The following FGD5 variants were observed in gnomAD, a reference collection of about 807,000 sequenced individuals.
FGD5 encodes FYVE, RhoGEF and PH domain containing 5.
Under a neutral mutation model 133.4 loss-of-function variants are expected in FGD5, and 28 were observed. That is an observed-to-expected ratio of 0.21 (90% CI 0.16 to 0.29). The LOEUF (loss-of-function observed/expected upper bound fraction) is 0.29, where lower values mean the gene tolerates loss of function less well. Ranked by LOEUF, FGD5 falls within the 10% of genes least tolerant of loss-of-function variation. The probability of loss-of-function intolerance (pLI) is 1.00; values close to 1 mark genes in which losing one functional copy is unlikely to be tolerated. For synonymous variants in FGD5, 810 were observed against 776.5 expected (o/e 1.04, Z -0.72); for missense variants, 1,858 against 1,895.2 (o/e 0.98, Z 0.36).
Position 14,933,389 on chromosome 3 carries a change from C to CAG in FGD5, c.*223_*224insGA. ...TGGACCTCTCCTTTTCTGTGTTTTC[C>CAG]ACCCCTACCCCCACCCGCCACCCAG... On this transcript the variant is annotated 3_prime_UTR_variant, in exon 20 of 20. Transcript: ENST00000285046. 2 of 569,568 alleles carry CAG rather than the reference C, an allele frequency of 3.5e-6. No individual in the cohort carries two copies. Among genetic ancestry groups the CAG allele is most frequent in the Non-Finnish European group, 3.1e-6 (1 of 318,390 alleles). 35.3% of individuals were successfully genotyped at this position (569,568 alleles called of 1,614,324 possible). A position where few individuals can be genotyped will look rare whatever the true frequency, so the allele number is the denominator to read the frequency against.
intron 9 of FGD5, among the ~76,000 whole-genome samples, chr3:14,904,520 T>TGTGTGTG (rs2038302831): frequency 1.8e-5 from 1 of 54,532 alleles, no homozygotes; most frequent in Non-Finnish European, 3.7e-5. Context: ...GTGTGTGTGT[T>TGTGTGTG]TGTGTTTTGA....
chr3:14,894,295 T>A (rs2038090326), intron 4 of FGD5, among the ~76,000 whole-genome samples: 1 of 152,224 alleles, frequency 6.6e-6, no homozygotes, highest in Non-Finnish European at 1.5e-5. Flanking sequence ...TTCATCCTTT[T>A]TTATGGCTGA....
intron 2 of FGD5, among the ~76,000 whole-genome samples, chr3:14,867,934 G>C (rs954825247): frequency 2.0e-5 from 3 of 152,082 alleles, no homozygotes; most frequent in African/African-American, 4.8e-5. Flanking sequence ...TGGGGGTGCA[G>C]TGGTGAGGCC....
chr3:14,892,915 C>T (rs1051124413), intron 4 of FGD5, among the ~76,000 whole-genome samples: 15 of 152,094 alleles, frequency 9.9e-5, no homozygotes, highest in Non-Finnish European at 2.2e-4. Flanking sequence ...GGAGACAATC[C>T]AACAAGGTAG....
At chr3:14,898,144 A>T (rs1257547192) in intron 6 of FGD5, 49 bp downstream of exon 6, 1 of 1,608,738 alleles carries the variant, frequency 6.2e-7, no homozygotes, top group Non-Finnish European at 8.5e-7. Flanking sequence ...GCAGGGGTTG[A>T]GGTGGGCGAA....
intron 11 of FGD5, among the ~76,000 whole-genome samples, chr3:14,916,825 C>T (rs953103468): frequency 6.6e-6 from 1 of 152,188 alleles, no homozygotes; most frequent in African/African-American, 2.4e-5. Context: ...CTCTTTTGTG[C>T]CTCGCTTCTT....
chr3:14,908,899 TAAAAA>T (rs1204140198), intron 10 of FGD5, among the ~76,000 whole-genome samples: 2 of 151,676 alleles, frequency 1.3e-5, no homozygotes, highest in African/African-American at 4.8e-5. Flanking sequence ...AATAAATAAA[TAAAAA>T]TAATAAATAA....
In FGD5 at chr3:14,921,983, C is replaced by T. The variant is rs776786647; in HGVS notation, c.3635C>T (p.Ala1212Val). The change falls in exon 14 of 20, where the codon GCC (alanine) becomes GTC (valine). Residue 1212 changes from alanine to valine, a missense_variant. By Grantham distance (64) the Ala-to-Val change is moderately conservative (BLOSUM62 0). Transcript: ENST00000285046. ...LSRALPEDYK[A>V]QALAAFHHSV... The stretch of plus-strand genomic sequence containing the variant: ...AGAGCCCTCCCTGAGGACTACAAGG[C>T]CCAGGCGCTGGCTGCATTCCACCAT... 6.4e-7 allele frequency: 1 copy of T among 1,568,702 alleles called. No individual in the cohort carries two copies. The highest frequency in any genetic ancestry group is 8.6e-7 in the Non-Finnish European group (1 of 1,156,790).
chr3:14,920,783 A>G (rs1417705101), intron 13 of FGD5, among the ~76,000 whole-genome samples: 2 of 152,234 alleles, frequency 1.3e-5, no homozygotes, highest in African/African-American at 4.8e-5. Context: ...AGGGTCACAC[A>G]GCCAGGTGAG....
chr3:14,837,621 CGGAGAGGGGGA>C (rs2125082458), intron 1 of FGD5, among the ~76,000 whole-genome samples: 1 of 151,996 alleles, frequency 6.6e-6, no homozygotes, highest in Non-Finnish European at 1.5e-5. Flanking sequence ...GCTTCTCCCA[CGGAGAGGGGGA>C]TAGGCTGCGA....
intron 2 of FGD5, among the ~76,000 whole-genome samples, chr3:14,878,073 G>T (rs2037753984): frequency 6.6e-6 from 1 of 152,204 alleles, no homozygotes; most frequent in African/African-American, 2.4e-5. Context: ...TGACTTTTGA[G>T]CAGAGACCTG....
chr3:14,889,921 G>A (rs187929620), intron 4 of FGD5, among the ~76,000 whole-genome samples: 20 of 151,990 alleles, frequency 1.3e-4, no homozygotes, highest in African/African-American at 3.9e-4. Context: ...TAAGTATTCT[G>A]GACACAAGTC....
At chr3:14,824,277 G>A (rs1274544464) in intron 1 of FGD5, among the ~76,000 whole-genome samples, 1 of 152,230 alleles carries the variant, frequency 6.6e-6, no homozygotes, top group African/African-American at 2.4e-5. Context: ...ATCGCCAAGA[G>A]GCATGAGTGA....
chr3:14,847,997 G>C (rs949082506), intron 1 of FGD5, among the ~76,000 whole-genome samples: 1 of 152,198 alleles, frequency 6.6e-6, no homozygotes, highest in African/African-American at 2.4e-5. Flanking sequence ...GGAGTGGCCA[G>C]CTGGAGCCCC....
chr3:14,877,489 C>T (rs1216301590), intron 2 of FGD5, among the ~76,000 whole-genome samples: 1 of 152,212 alleles, frequency 6.6e-6, no homozygotes, highest in Non-Finnish European at 1.5e-5. Context: ...GGCTGCCATC[C>T]ATCATCTGAC....
intron 10 of FGD5, among the ~76,000 whole-genome samples, chr3:14,908,180 T>C (rs769889128): frequency 1.3e-5 from 2 of 152,160 alleles, no homozygotes; most frequent in Non-Finnish European, 2.9e-5. Context: ...CCAGTTGTGC[T>C]CCATAAAGGA....
At chr3:14,813,503 A>G (rs1222173400) in intron 1 of FGD5, among the ~76,000 whole-genome samples, 1 of 152,258 alleles carries the variant, frequency 6.6e-6, no homozygotes, top group East Asian at 1.9e-4. Context: ...TTACTCTTGT[A>G]ACATATGGTT....
chr3:14,895,332 T>C (rs2038113074), intron 4 of FGD5, among the ~76,000 whole-genome samples: 2 of 152,234 alleles, frequency 1.3e-5, no homozygotes, highest in African/African-American at 4.8e-5. Flanking sequence ...TGCATCATAG[T>C]TGGAGGTCTT....
intron 1 of FGD5, among the ~76,000 whole-genome samples, chr3:14,823,123 A>G (rs923627059): frequency 6.6e-6 from 1 of 152,222 alleles, no homozygotes; most frequent in African/African-American, 2.4e-5. Context: ...CAAGAGGGGT[A>G]GAGAGGCAGA....
Sources: gnomAD v4.1 joint callset for allele counts (sites outside exome capture counted in the v4.1 genomes callset) on GRCh38, gnomAD v4.1.1 for gene constraint, MANE v1.5 for transcripts, NCBI Gene and HGNC (gene_info 2026-07-23, HGNC 2026-07-21) for gene names.